Variants in NLN observed in about 807,000 individuals in gnomAD.
The protein encoded by NLN is neurolysin, mitochondrial.
NLN carries 64 observed loss-of-function variants against 79.9 expected under a neutral mutation model. The observed-to-expected ratio is 0.80, with a 90% confidence interval of 0.65 to 0.99. The LOEUF is 0.99. Ranked by LOEUF, NLN falls within the 50% of genes least tolerant of loss-of-function variation. The pLI is 0.00. For synonymous variants in NLN, 267 were observed against 296.6 expected (o/e 0.90, Z 1.02); for missense variants, 835 against 858.7 (o/e 0.97, Z 0.34).
At chr5:65,820,242 G>A (rs965957979) in intron 12 of NLN, among the ~76,000 whole-genome samples, 17 of 152,204 alleles carry the variant, frequency 1.1e-4, no homozygotes, top group Admixed American at 3.3e-4. Flanking sequence ...TGTCAAATGC[G>A]TATGTCTTTT....
chr5:65,744,531 T>C (rs1361527519), intron 1 of NLN, among the ~76,000 whole-genome samples: 1 of 151,356 alleles, frequency 6.6e-6, no homozygotes, highest in Non-Finnish European at 1.5e-5. Context: ...TGATAGATGA[T>C]AGTAACAAGT....
intron 3 of NLN, among the ~76,000 whole-genome samples, chr5:65,774,364 C>G (rs1368749010): frequency 6.6e-6 from 1 of 152,106 alleles, no homozygotes; most frequent in Non-Finnish European, 1.5e-5. Context: ...TAAAGAGGCC[C>G]ATGGCCTGGC....
intron 1 of NLN, among the ~76,000 whole-genome samples, chr5:65,732,238 G>A (rs994576316): frequency 9.2e-5 from 14 of 152,196 alleles, no homozygotes; most frequent in Non-Finnish European, 1.5e-4. Flanking sequence ...TGGATTTCCC[G>A]TTCACCATAG....
At chr5:65,726,389 A>G (rs1579901392) in intron 1 of NLN, among the ~76,000 whole-genome samples, 1 of 152,346 alleles carries the variant, frequency 6.6e-6, no homozygotes, top group South Asian at 2.1e-4. Flanking sequence ...AAATATAGCT[A>G]CTAGTATAGT....
intron 1 of NLN, among the ~76,000 whole-genome samples, chr5:65,730,340 A>T (rs1758578554): frequency 6.6e-6 from 1 of 152,216 alleles, no homozygotes; most frequent in South Asian, 2.1e-4. Context: ...AAGAGAAATG[A>T]GCAGTTGTGC....
intron 1 of NLN, among the ~76,000 whole-genome samples, chr5:65,754,335 C>T (rs749152701): frequency 3.9e-5 from 6 of 152,150 alleles, no homozygotes; most frequent in Non-Finnish European, 8.8e-5. Context: ...TAAGTGTACT[C>T]ACACTTAGTG....
At chr5:65,780,855 G>C (rs1180752634) in intron 5 of NLN, among the ~76,000 whole-genome samples, 2 of 152,094 alleles carry the variant, frequency 1.3e-5, no homozygotes, top group African/African-American at 2.4e-5. Context: ...TGTACTTTTA[G>C]TAGAGACGGG....
intron 3 of NLN, among the ~76,000 whole-genome samples, chr5:65,776,558 T>C (rs1759683304): frequency 6.6e-6 from 1 of 152,232 alleles, no homozygotes; most frequent in South Asian, 2.1e-4. Flanking sequence ...TCATTGGCTT[T>C]CAACCAAACT....
rs796642510 is a variant in NLN at position 65,773,165 on chromosome 5, T to C, written c.451-4262T>C. Reference sequence around the variant, plus strand: ...TTTTTTTTCTGCAACAGGTCCTCACTCTGTTGCCCAGGCTGGAGTGCAGTA... The same window carrying C: ...TTTTTTTTCTGCAACAGGTCCTCACCCTGTTGCCCAGGCTGGAGTGCAGTA... On this transcript the variant is annotated intron_variant, in intron 3 of 12. Coordinates refer to ENST00000380985, the MANE Select transcript of NLN (RefSeq NM_020726.5). Among the ~76,000 whole-genome samples, 307 of 126,326 alleles carry C rather than the reference T, an allele frequency of 2.4e-3. 2 individuals carry two copies. The highest frequency in any genetic ancestry group is 8.5e-3 in the African/African-American group (277 of 32,722). The allele number at this position is 126,326 out of a possible 152,430, so 82.9% of individuals were successfully genotyped here. A position where few individuals can be genotyped will look rare whatever the true frequency, so the allele number is the denominator to read the frequency against.
chr5:65,795,934 C>T (rs1760164744), intron 9 of NLN, among the ~76,000 whole-genome samples: 1 of 152,022 alleles, frequency 6.6e-6, no homozygotes, highest in Non-Finnish European at 1.5e-5. Flanking sequence ...TAATAATGAC[C>T]TGCTTTTAAA....
At chr5:65,811,983 A>C (rs978067283) in intron 11 of NLN, among the ~76,000 whole-genome samples, 5 of 152,212 alleles carry the variant, frequency 3.3e-5, no homozygotes, top group African/African-American at 1.2e-4. Context: ...TAAAACACTG[A>C]GCTATCTGGT....
intron 7 of NLN, among the ~76,000 whole-genome samples, chr5:65,787,390 C>T (rs1026967802): frequency 6.6e-6 from 1 of 152,084 alleles, no homozygotes; most frequent in Non-Finnish European, 1.5e-5. Flanking sequence ...CACGGTATTC[C>T]TCGGGCTGCT....
At chr5:65,822,365 A>G (rs1272145161) in intron 12 of NLN, among the ~76,000 whole-genome samples, 1 of 148,774 alleles carries the variant, frequency 6.7e-6, no homozygotes, top group Non-Finnish European at 1.5e-5. Flanking sequence ...AAACCATTTG[A>G]CAGTAGCCAT....
At chr5:65,755,876 T>G (rs1384740009) in intron 1 of NLN, among the ~76,000 whole-genome samples, 1 of 152,194 alleles carries the variant, frequency 6.6e-6, no homozygotes, top group Non-Finnish European at 1.5e-5. Flanking sequence ...TTAGCTACAC[T>G]GCGTTAGCTC....
chr5:65,776,200 C>G (rs1244220276), intron 3 of NLN, among the ~76,000 whole-genome samples: 1 of 152,206 alleles, frequency 6.6e-6, no homozygotes, highest in South Asian at 2.1e-4. Context: ...TTGCAGTGAG[C>G]TGATAATCGC....
intron 9 of NLN, among the ~76,000 whole-genome samples, chr5:65,803,890 G>A (rs1251770347): frequency 2.0e-5 from 3 of 152,208 alleles, no homozygotes; most frequent in African/African-American, 4.8e-5. Flanking sequence ...CACTGCAGCC[G>A]AGATGGGCCA....
intron 9 of NLN, among the ~76,000 whole-genome samples, chr5:65,794,722 A>C (rs1760135388): frequency 6.6e-6 from 1 of 152,216 alleles, no homozygotes; most frequent in Admixed American, 6.5e-5. Context: ...AATGACGAGC[A>C]GGATATGGAA....
chr5:65,801,019 T>G (rs1321763386), intron 9 of NLN, among the ~76,000 whole-genome samples: 1 of 152,110 alleles, frequency 6.6e-6, no homozygotes, highest in Non-Finnish European at 1.5e-5. Context: ...ACAACTGTCT[T>G]CCTCTCAAGA....
At chr5:65,737,283 T>C (rs1353715300) in intron 1 of NLN, among the ~76,000 whole-genome samples, 2 of 152,144 alleles carry the variant, frequency 1.3e-5, no homozygotes, top group Non-Finnish European at 2.9e-5. Context: ...CTAATAAATC[T>C]CTAAACTAAT....
Sources: gnomAD v4.1 joint callset for allele counts (sites outside exome capture counted in the v4.1 genomes callset) on GRCh38, gnomAD v4.1.1 for gene constraint, MANE v1.5 for transcripts, NCBI Gene and HGNC (gene_info 2026-07-23, HGNC 2026-07-21) for gene names.